NR6A1: variants seen among roughly 807,000 people sequenced by gnomAD.
The protein encoded by NR6A1 is retinoic acid receptor-related testis-associated receptor.
A neutral mutation model predicts 59.1 loss-of-function variants in NR6A1; 7 were observed. That is an observed-to-expected ratio of 0.12 (90% CI 0.07 to 0.22). The LOEUF (loss-of-function observed/expected upper bound fraction) is 0.22, where lower values mean the gene tolerates loss of function less well. Among genes scored for constraint, NR6A1 ranks in the 10% least tolerant of loss-of-function variants. NR6A1 has a pLI of 1.00. For missense variants in NR6A1, 468 were observed against 611.6 expected (o/e 0.77, Z 2.48); for synonymous variants, 243 against 236.1 (o/e 1.03, Z -0.27).
At chr9:124,661,052 A>C (rs1016769470) in intron 2 of NR6A1, among the ~76,000 whole-genome samples, 3 of 152,198 alleles carry the variant, frequency 2.0e-5, no homozygotes, top group African/African-American at 4.8e-5. Context: ...AATTCCATCA[A>C]AAGTTTCTTT....
At chr9:124,767,983 C>G (rs1299715231) in intron 1 of NR6A1, among the ~76,000 whole-genome samples, 1 of 152,194 alleles carries the variant, frequency 6.6e-6, no homozygotes, top group East Asian at 1.9e-4. Context: ...TCTATTACAA[C>G]TAAATGAGTT....
At chr9:124,540,923 C>T (rs1465022754) in intron 4 of NR6A1, among the ~76,000 whole-genome samples, 1 of 152,152 alleles carries the variant, frequency 6.6e-6, no homozygotes, top group Non-Finnish European at 1.5e-5. Flanking sequence ...CATCCACATG[C>T]CCCGCCCCCA....
At chr9:124,712,710 C>T (rs1468174349) in intron 2 of NR6A1, among the ~76,000 whole-genome samples, 1 of 151,984 alleles carries the variant, frequency 6.6e-6, no homozygotes, top group African/African-American at 2.4e-5. Context: ...CAAAATATTA[C>T]CAAGTTGAAT....
chr9:124,595,851 C>G, intron 2 of NR6A1: 1 of 1,284,240 alleles, frequency 7.8e-7, no homozygotes, highest in Admixed American at 2.3e-5. Flanking sequence ...GATGACTACC[C>G]TTCCGACACT....
chr9:124,670,762 A>C (rs1317254497), intron 2 of NR6A1, among the ~76,000 whole-genome samples: 1 of 152,232 alleles, frequency 6.6e-6, no homozygotes, highest in Non-Finnish European at 1.5e-5. Context: ...TGTCAGGTTA[A>C]AGCATTTAGA....
intron 2 of NR6A1, among the ~76,000 whole-genome samples, chr9:124,653,986 T>A (rs528409178): frequency 5.9e-5 from 9 of 152,270 alleles, no homozygotes; most frequent in African/African-American, 1.9e-4. Context: ...TATCCTAAAT[T>A]AATACAGAGA....
At chr9:124,561,652 C>T (rs1834087434) in intron 2 of NR6A1, among the ~76,000 whole-genome samples, 1 of 152,094 alleles carries the variant, frequency 6.6e-6, no homozygotes, top group African/African-American at 2.4e-5. Context: ...TGGTTCACAC[C>T]TGTAATCCCA....
intron 7 of NR6A1, among the ~76,000 whole-genome samples, chr9:124,530,876 A>C (rs1201852240): frequency 6.6e-6 from 1 of 152,228 alleles, no homozygotes; most frequent in African/African-American, 2.4e-5. Context: ...TTGGAGCACA[A>C]CAGATACAGG....
rs534591761 is a variant in NR6A1 at position 124,567,831 on chromosome 9, CTTTTTTTT to C, written c.143-13269_143-13262del. ...CAAGCAGATGCTTTTTAAAAATTTG[CTTTTTTTT>C]TTTTTTTTTTTTTTTAACTAGTACA... On this transcript the variant is annotated intron_variant, in intron 2 of 9. Transcript: ENST00000487099. Among the ~76,000 whole-genome samples, 200 of 101,310 alleles carry C rather than the reference CTTTTTTTT, an allele frequency of 2.0e-3. 7 individuals are homozygous for C. In the South Asian group the frequency reaches 0.057, roughly 29 times the overall value. The allele number at this position is 101,310 out of a possible 152,430, so 66.5% of individuals were successfully genotyped here. A position where few individuals can be genotyped will look rare whatever the true frequency, so the allele number is the denominator to read the frequency against.
chr9:124,640,098 C>T lies in NR6A1; in HGVS notation c.143-85528G>A, dbSNP rs528727546. On this transcript the variant is annotated intron_variant, in intron 2 of 9. Transcript: ENST00000487099. ...ACATATGGAAGCGCTGAAGAACATCCATGGCGTCCTAGGGTCCTGCAGAAC... is the reference window on the plus strand; with the variant it reads ...ACATATGGAAGCGCTGAAGAACATCTATGGCGTCCTAGGGTCCTGCAGAAC... 4.0e-4 allele frequency among the ~76,000 whole-genome samples: 61 copies of T among 152,284 alleles called. 1 individual carries two copies. The South Asian group carries it at 0.012, about 31-fold the overall frequency.
At chr9:124,628,111 T>C (rs1836304643) in intron 2 of NR6A1, among the ~76,000 whole-genome samples, 1 of 152,154 alleles carries the variant, frequency 6.6e-6, no homozygotes, top group Non-Finnish European at 1.5e-5. Flanking sequence ...CACTGCAACC[T>C]CCGCCTCCTG....
intron 1 of NR6A1, 130 bp from the exon 2 acceptor site, chr9:124,733,479 T>G: frequency 1.4e-6 from 1 of 706,430 alleles, no homozygotes; most frequent in Non-Finnish European, 2.5e-6. Context: ...ATCCTAGCTC[T>G]AACATTTAGC....
chr9:124,716,325 T>C (rs970895363), intron 2 of NR6A1, among the ~76,000 whole-genome samples: 2 of 152,352 alleles, frequency 1.3e-5, no homozygotes, highest in African/African-American at 2.4e-5. Context: ...TTGAGATCCA[T>C]TATTATAGAC....
Position 124,538,186 on chromosome 9 carries a change from G to C in NR6A1, c.730C>G (p.Arg244Gly). ...GHSPLLPQQA[R>G]SLDPQSYSLI... is the part of the protein sequence containing the mutation. ...CTGTATGACTGGGGATCCAGGCTGCGAGCTTGTTGGGGCAGAAGTGGTGAG... is the reference window on the plus strand; with the variant it reads ...CTGTATGACTGGGGATCCAGGCTGCCAGCTTGTTGGGGCAGAAGTGGTGAG... Residue 244 changes from arginine to glycine, a missense_variant, in exon 6 of 10, where the codon CGC becomes GGC. Coordinates refer to ENST00000487099, the MANE Select transcript of NR6A1 (RefSeq NM_033334.4). The C allele has an allele frequency of 6.2e-7, 1 of 1,614,194 alleles. No individual in the cohort carries two copies. The highest frequency in any genetic ancestry group is 2.2e-5 in the East Asian group (1 of 44,896).
chr9:124,553,201 C>A (rs1833825238), intron 3 of NR6A1, among the ~76,000 whole-genome samples: 1 of 152,172 alleles, frequency 6.6e-6, no homozygotes, highest in Non-Finnish European at 1.5e-5. Context: ...CTTCTTTCTG[C>A]TGAATGACAC....
chr9:124,682,126 C>T (rs1189433958), intron 2 of NR6A1, among the ~76,000 whole-genome samples: 1 of 152,106 alleles, frequency 6.6e-6, no homozygotes, highest in African/African-American at 2.4e-5. Flanking sequence ...TCCCGAGTAG[C>T]TGGGACTACA....
At chr9:124,689,414 GA>G (rs34312069) in intron 2 of NR6A1, among the ~76,000 whole-genome samples, 85,301 of 151,844 alleles carry the variant, frequency 0.56, 24,389 homozygotes, top group African/African-American at 0.68. Context: ...ATTTTAAAGG[GA>G]AAAAAAGCAA....
chr9:124,577,144 T>C (rs556857887), intron 2 of NR6A1, among the ~76,000 whole-genome samples: 45 of 152,314 alleles, frequency 3.0e-4, no homozygotes, highest in African/African-American at 9.1e-4. Flanking sequence ...TTTCTGGAAA[T>C]ATCTTCCATA....
intron 2 of NR6A1, among the ~76,000 whole-genome samples, chr9:124,650,261 C>T (rs1395203668): frequency 6.6e-6 from 1 of 151,944 alleles, no homozygotes; most frequent in African/African-American, 2.4e-5. Flanking sequence ...TATTATTCAG[C>T]CATAAAAAAG....
Sources: allele counts gnomAD v4.1 joint callset (sites outside exome capture counted in the v4.1 genomes callset), GRCh38; gene constraint gnomAD v4.1.1; transcripts MANE v1.5; gene names NCBI Gene and HGNC (gene_info 2026-07-23, HGNC 2026-07-21).